Variants in STIM1 observed in about 807,000 individuals in gnomAD.
The protein encoded by STIM1 is stromal interaction molecule 1.
Under a neutral mutation model 74.7 loss-of-function variants are expected in STIM1, and 25 were observed. That is an observed-to-expected ratio of 0.33 (90% CI 0.24 to 0.47). The LOEUF (loss-of-function observed/expected upper bound fraction) is 0.47. Among genes scored for constraint, STIM1 ranks in the 20% least tolerant of loss-of-function variants. The pLI, the probability that STIM1 is intolerant of heterozygous loss-of-function variation, is 1.00. For missense variants in STIM1, 728 were observed against 920.8 expected (o/e 0.79, Z 2.71); for synonymous variants, 328 against 348.8 (o/e 0.94, Z 0.66).
chr11:4,082,525 T>G (rs747944489), intron 8 of STIM1, among the ~76,000 whole-genome samples, 174 bp downstream of exon 8: 4 of 152,180 alleles, frequency 2.6e-5, no homozygotes, highest in African/African-American at 4.8e-5. Context: ...CTCAGGCTTC[T>G]GGAGGAGGGA....
chr11:4,073,070 T>TTA (rs869201831), intron 6 of STIM1, among the ~76,000 whole-genome samples: 1 of 149,518 alleles, frequency 6.7e-6, no homozygotes, highest in Non-Finnish European at 1.5e-5. Flanking sequence ...TTTTTTTTTT[T>TTA]ACAGATTGAG....
chr11:3,986,363 G>C lies in STIM1; in HGVS notation c.270+18681G>C, dbSNP rs182259810. 6.1e-4 allele frequency among the ~76,000 whole-genome samples: 93 copies of C among 152,322 alleles called. 1 individual carries two copies. The highest frequency in any genetic ancestry group is 9.7e-4 in the Non-Finnish European group (66 of 68,036). ...CATGATACATCATGTGGAGTAACAA[G>C]TATGATGTCCTTGGGAATCTGTGGT... On this transcript the variant is annotated intron_variant, in intron 2 of 12. Coordinates refer to ENST00000526596, the MANE Select transcript of STIM1 (RefSeq NM_001382567.1).
At chr11:3,870,228 GA>G (rs1263100298) in intron 1 of STIM1, among the ~76,000 whole-genome samples, 1 of 152,190 alleles carries the variant, frequency 6.6e-6, no homozygotes, top group African/African-American at 2.4e-5. Flanking sequence ...CTAAGTCTGA[GA>G]ACCCAAGTCT....
At chr11:4,014,345 C>T (rs12800122) in intron 2 of STIM1, among the ~76,000 whole-genome samples, 9 of 152,120 alleles carry the variant, frequency 5.9e-5, no homozygotes, top group Admixed American at 1.3e-4. Flanking sequence ...TCAGTTCCCA[C>T]GTAGTTGTGT....
At chr11:3,926,846 A>G (rs1039724455) in intron 1 of STIM1, among the ~76,000 whole-genome samples, 1 of 152,218 alleles carries the variant, frequency 6.6e-6, no homozygotes, top group African/African-American at 2.4e-5. Context: ...ACCACCTTAG[A>G]GGCCTCAATA....
At chr11:4,055,879 T>C (rs1482433358) in intron 4 of STIM1, among the ~76,000 whole-genome samples, 1 of 152,238 alleles carries the variant, frequency 6.6e-6, no homozygotes, top group African/African-American at 2.4e-5. Flanking sequence ...TGCCATTTAC[T>C]GAGTGCTTAG....
chr11:3,863,912 A>C (rs1434760993), intron 1 of STIM1, among the ~76,000 whole-genome samples: 1 of 152,114 alleles, frequency 6.6e-6, no homozygotes, highest in Non-Finnish European at 1.5e-5. Flanking sequence ...TTATGAGTTA[A>C]ACTGTATCAT....
At chr11:4,030,892 A>G (rs1203591324) in intron 3 of STIM1, among the ~76,000 whole-genome samples, 1 of 152,218 alleles carries the variant, frequency 6.6e-6, no homozygotes, top group Non-Finnish European at 1.5e-5. Flanking sequence ...TTACCTTTTT[A>G]AAAAGATATT....
chr11:4,000,340 AG>A (rs1278907514), intron 2 of STIM1, among the ~76,000 whole-genome samples: 4 of 151,636 alleles, frequency 2.6e-5, no homozygotes, highest in Non-Finnish European at 5.9e-5. Flanking sequence ...ACCCCCCAGT[AG>A]GGGCAGACTG....
At chr11:4,044,803 G>C (rs973125527) in intron 3 of STIM1, among the ~76,000 whole-genome samples, 3 of 152,118 alleles carry the variant, frequency 2.0e-5, no homozygotes, top group South Asian at 2.1e-4. Flanking sequence ...TGGCAACCCC[G>C]TGCCTCACTT....
chr11:3,859,193 A>G (rs765653488), intron 1 of STIM1, among the ~76,000 whole-genome samples: 2 of 152,222 alleles, frequency 1.3e-5, no homozygotes, highest in Non-Finnish European at 1.5e-5. Flanking sequence ...TGATTTAGTT[A>G]AAATGCTTAT....
At chr11:3,910,837 A>AAAT (rs1554956172) in intron 1 of STIM1, among the ~76,000 whole-genome samples, 2 of 148,392 alleles carry the variant, frequency 1.3e-5, no homozygotes, top group African/African-American at 4.9e-5. Flanking sequence ...AAAAAAAAAA[A>AAAT]TATCCGGGCG....
intron 1 of STIM1, among the ~76,000 whole-genome samples, chr11:3,951,455 C>G (rs2093147241): frequency 6.6e-6 from 1 of 152,212 alleles, no homozygotes; most frequent in South Asian, 2.1e-4. Flanking sequence ...AATGTGTTCT[C>G]TTTTAACCAG....
chr11:4,052,177 T>A (rs568580382), intron 3 of STIM1, among the ~76,000 whole-genome samples: 1 of 152,170 alleles, frequency 6.6e-6, no homozygotes, highest in Non-Finnish European at 1.5e-5. Context: ...AATGGCCATA[T>A]TGCCCAAGGT....
chr11:3,894,954 G>T (rs2092014265), intron 1 of STIM1, among the ~76,000 whole-genome samples: 1 of 135,418 alleles, frequency 7.4e-6, no homozygotes, highest in Non-Finnish European at 1.5e-5. Context: ...TTGCCATGTT[G>T]GCCAGGCTGG....
At chr11:4,017,653 A>G (rs555154328) in intron 2 of STIM1, among the ~76,000 whole-genome samples, 28 of 152,278 alleles carry the variant, frequency 1.8e-4, no homozygotes, top group Admixed American at 8.5e-4. Context: ...CTGTCTTTCT[A>G]GTCTTAGATT....
chr11:3,883,512 C>G (rs1041739351), intron 1 of STIM1, among the ~76,000 whole-genome samples: 1 of 152,190 alleles, frequency 6.6e-6, no homozygotes, highest in African/African-American at 2.4e-5. Context: ...CGCCACCACG[C>G]CCAGCTAATT....
intron 1 of STIM1, among the ~76,000 whole-genome samples, chr11:3,952,789 C>G (rs751753190): frequency 2.0e-5 from 3 of 152,154 alleles, no homozygotes; most frequent in Non-Finnish European, 4.4e-5. Flanking sequence ...ATCTGGGAGT[C>G]AGTCAGACAC....
chr11:3,951,435 G>A (rs544483319), intron 1 of STIM1, among the ~76,000 whole-genome samples: 4 of 152,142 alleles, frequency 2.6e-5, no homozygotes, highest in Admixed American at 6.6e-5. Flanking sequence ...TGTCTCTTTT[G>A]GAGCCCAGGA....
Sources: gnomAD v4.1 joint callset for allele counts (sites outside exome capture counted in the v4.1 genomes callset) on GRCh38, gnomAD v4.1.1 for gene constraint, MANE v1.5 for transcripts, NCBI Gene and HGNC (gene_info 2026-07-23, HGNC 2026-07-21) for gene names.